AQP7B: variants seen among roughly 807,000 people sequenced by gnomAD.
AQP7B encodes the protein aquaporin 7B.
chr2:94,602,018 A>AGTGTGTGTGTGTGT, the AQP7B span, among the ~76,000 whole-genome samples: 208 of 139,942 alleles, frequency 1.5e-3, 1 homozygote, highest in African/African-American at 4.9e-3. Flanking sequence ...ATTGCGGCGG[A>AGTGTGTGTGTGTGT]GTGTGTGTGT....
At chr2:94,602,980 T>C in the AQP7B span, 14 of 1,524,584 alleles carry the variant, frequency 9.2e-6, no homozygotes, top group African/African-American at 1.6e-4. Context: ...CTCATACTGT[T>C]TGTCACTGTT....
At chr2:94,595,312 G>A in the AQP7B span, among the ~76,000 whole-genome samples, 1 of 152,160 alleles carries the variant, frequency 6.6e-6, no homozygotes, top group Non-Finnish European at 1.5e-5. Flanking sequence ...GCGGACTCCT[G>A]TAATCTCAGT....
chr2:94,603,568 T>C, the AQP7B span: 2 of 1,486,596 alleles, frequency 1.3e-6, no homozygotes, highest in Non-Finnish European at 1.8e-6. Flanking sequence ...CAGCAGGGAG[T>C]CCCTCCAGAT....
the AQP7B span, among the ~76,000 whole-genome samples, chr2:94,595,826 C>T: frequency 1.3e-5 from 2 of 152,078 alleles, no homozygotes; most frequent in Non-Finnish European, 2.9e-5. Context: ...AGGCAAGATG[C>T]CTGTGGGGAA....
At chr2:94,593,554 C>T in the AQP7B span, among the ~76,000 whole-genome samples, 4 of 146,658 alleles carry the variant, frequency 2.7e-5, no homozygotes, top group African/African-American at 7.6e-5. Context: ...GGCAAGATCT[C>T]GGCTCACTGC....
chr2:94,603,551 A>G, the AQP7B span: 1 of 1,555,860 alleles, frequency 6.4e-7, no homozygotes, highest in Non-Finnish European at 8.8e-7. Context: ...ACCCCTCAGG[A>G]CAGAGCCAGC....
chr2:94,587,940 G>A, the AQP7B span, among the ~76,000 whole-genome samples: 2 of 152,110 alleles, frequency 1.3e-5, no homozygotes, highest in Non-Finnish European at 2.9e-5. Context: ...GACAGACAGG[G>A]TGAGGGGACT....
At chr2:94,592,769 T>C in the AQP7B span, among the ~76,000 whole-genome samples, 2 of 150,536 alleles carry the variant, frequency 1.3e-5, no homozygotes, top group Admixed American at 1.3e-4. Context: ...AGCAAACTGG[T>C]ATGATCCCAG....
At chr2:94,603,682 AG>A in the AQP7B span, 1 of 1,369,690 alleles carries the variant, frequency 7.3e-7, no homozygotes, top group Non-Finnish European at 9.9e-7. Context: ...GGAGGGGCCC[AG>A]GTGAGCTGCC....
chr2:94,603,688 G>A, the AQP7B span: 4 of 1,385,232 alleles, frequency 2.9e-6, no homozygotes, highest in South Asian at 1.4e-5. Context: ...GCCCAGGTGA[G>A]CTGCCACAGC....
chr2:94,597,917 C>T, the AQP7B span, among the ~76,000 whole-genome samples: 2 of 152,130 alleles, frequency 1.3e-5, no homozygotes, highest in African/African-American at 4.8e-5. Flanking sequence ...ATATCACAGT[C>T]TTGACCCTTA....
the AQP7B span, chr2:94,603,261 A>G: frequency 5.0e-6 from 7 of 1,388,574 alleles, no homozygotes; most frequent in South Asian, 1.3e-5. Flanking sequence ...CCTGATTTGT[A>G]AAAAATAGCT....
the AQP7B span, among the ~76,000 whole-genome samples, chr2:94,590,131 T>C: frequency 1.3e-5 from 2 of 152,018 alleles, no homozygotes; most frequent in African/African-American, 4.8e-5. Context: ...GAGTGGAGAG[T>C]GGGTTTTGAC....
At chr2:94,602,752 T>C in the AQP7B span, 1 of 952,132 alleles carries the variant, frequency 1.1e-6, no homozygotes. Context: ...AAGTCTCCTC[T>C]GAACCCCGTG....
chr2:94,596,850 C>T, the AQP7B span, among the ~76,000 whole-genome samples: 2 of 152,274 alleles, frequency 1.3e-5, no homozygotes, highest in South Asian at 4.1e-4. Flanking sequence ...CAGGCACGTG[C>T]CACTGTGCTC....
chr2:94,600,340 T>G, the AQP7B span, among the ~76,000 whole-genome samples: 8 of 152,188 alleles, frequency 5.3e-5, no homozygotes, highest in African/African-American at 1.9e-4. Context: ...TTTTCTAGTA[T>G]CCACATTAAA....
At chr2:94,592,361 T>G in the AQP7B span, among the ~76,000 whole-genome samples, 2 of 152,152 alleles carry the variant, frequency 1.3e-5, no homozygotes, top group African/African-American at 4.8e-5. Context: ...GACCCTCTGT[T>G]CATAGCTCAC....
the AQP7B span, among the ~76,000 whole-genome samples, chr2:94,593,993 A>T: frequency 6.6e-6 from 1 of 152,160 alleles, no homozygotes; most frequent in Admixed American, 6.5e-5. Flanking sequence ...CAGATTCCCC[A>T]GTTTTCACTC....
At chr2:94,602,555 G>A in the AQP7B span, 2 of 1,604,248 alleles carry the variant, frequency 1.2e-6, no homozygotes, top group Non-Finnish European at 1.7e-6. Context: ...CTACCTTGGT[G>A]TCAACTTGGG....
Sources: allele counts gnomAD v4.1 joint callset (sites outside exome capture counted in the v4.1 genomes callset), GRCh38; gene constraint gnomAD v4.1.1; transcripts MANE v1.5; gene names NCBI Gene and HGNC (gene_info 2026-07-23, HGNC 2026-07-21).